The following PLXDC2 variants were observed in gnomAD, a reference collection of about 807,000 sequenced individuals.
PLXDC2 encodes plexin domain-containing protein 2.
In PLXDC2, 40 loss-of-function variants were observed where a neutral mutation model predicts 68.9. The ratio of observed to expected loss-of-function variants is 0.58; its 90% CI spans 0.45 to 0.76. The LOEUF is 0.76. Ranked by LOEUF, PLXDC2 falls within the 30% of genes least tolerant of loss-of-function variation. PLXDC2 has a pLI of 0.00. For missense variants in PLXDC2, 644 were observed against 661.9 expected, an observed-to-expected ratio of 0.97 and a Z score of 0.30; for synonymous variants, 243 against 234.2, an observed-to-expected ratio of 1.04 and a Z score of -0.34.
rs373144044 is a variant in PLXDC2 at position 19,991,937 on chromosome 10, AC to A, written c.113-9837del. 6.6e-5 allele frequency among the ~76,000 whole-genome samples: 10 copies of A among 152,304 alleles called. No individual in the cohort carries two copies. The East Asian group carries it at 1.9e-3, about 29-fold the overall frequency. The stretch of plus-strand genomic sequence containing the variant: ...CATCTCCCCTGGTTGGCGGACTCAA[AC>A]TTTTCATGCAGTGGGACTTACCTGT... On this transcript the variant is annotated intron_variant, in intron 1 of 13. Coordinates refer to ENST00000377252, the MANE Select transcript of PLXDC2 (RefSeq NM_032812.9).
At chr10:20,227,150 G>A (rs1192657129) in intron 12 of PLXDC2, among the ~76,000 whole-genome samples, 1 of 152,034 alleles carries the variant, frequency 6.6e-6, no homozygotes, top group Non-Finnish European at 1.5e-5. Context: ...ATTTGCTCGG[G>A]AAACATTTCT....
intron 2 of PLXDC2, among the ~76,000 whole-genome samples, chr10:20,044,285 CTTTCTTTCTTCTT>C (rs1835757288): frequency 7.7e-5 from 6 of 78,032 alleles, no homozygotes; most frequent in Admixed American, 4.9e-4. Context: ...TTCTTTCTTT[CTTTCTTTCTTCTT>C]TCTCTCTCTC....
rs1224847480 is a variant in PLXDC2, at chr10:20,217,422, C to A, written c.1123-4C>A. 1.2e-6 allele frequency: 2 copies of A among 1,601,980 alleles called. No homozygotes were observed. The highest frequency in any genetic ancestry group is 1.7e-6 in the Non-Finnish European group (2 of 1,174,404). On this transcript the variant is annotated splice_polypyrimidine_tract_variant and splice_region_variant and intron_variant, in intron 10 of 13. Coordinates refer to ENST00000377252, the MANE Select transcript of PLXDC2 (RefSeq NM_032812.9). The stretch of plus-strand genomic sequence containing the variant: ...TTTGTTTTCCTTTTCTTTTCTCTTA[C>A]TAGTCAAAAGAGAAGATGTGTGAGA...
At position 20,284,763 on chromosome 10, in the gene PLXDC2, A is replaced by G. The variant is rs558005540; in HGVS notation, c.*4944A>G. 4.6e-5 allele frequency: 7 copies of G among 152,242 alleles called. No individual in the cohort carries two copies. The highest frequency in any genetic ancestry group is 1.7e-4 in the African/African-American group (7 of 41,540). The allele number at this position is 152,242 out of a possible 1,614,324, so 9.4% of individuals were successfully genotyped here. A position where few individuals can be genotyped will look rare whatever the true frequency, so the allele number is the denominator to read the frequency against. ...TTCATCTCTTAATTGTCGGCACTTA[A>G]GGCCAACCAAGCAGCTTAGACAGCG... is the stretch of plus-strand genomic sequence containing the variant. On this transcript the variant is annotated 3_prime_UTR_variant, in exon 14 of 14. Transcript: ENST00000377252.
intron 10 of PLXDC2, 41 bp downstream of exon 10, chr10:20,211,770 G>C: frequency 6.3e-7 from 1 of 1,579,018 alleles, no homozygotes; most frequent in Non-Finnish European, 8.7e-7. Context: ...GGACCAAGCT[G>C]TCATATACAT....
chr10:19,870,281 A>C (rs1837510718), intron 1 of PLXDC2, among the ~76,000 whole-genome samples: 1 of 152,216 alleles, frequency 6.6e-6, no homozygotes, highest in South Asian at 2.1e-4. Context: ...CAAAATTCAA[A>C]GTGGAAAATG....
intron 1 of PLXDC2, among the ~76,000 whole-genome samples, chr10:19,869,604 A>G (rs1837495946): frequency 6.6e-6 from 1 of 152,106 alleles, no homozygotes; most frequent in East Asian, 1.9e-4. Context: ...ATTAAAGAAT[A>G]AGCACAATGT....
At chr10:19,936,500 G>T (rs1833726975) in intron 1 of PLXDC2, among the ~76,000 whole-genome samples, 1 of 152,176 alleles carries the variant, frequency 6.6e-6, no homozygotes, top group African/African-American at 2.4e-5. Context: ...TACAAAAACA[G>T]GTGATGGCTG....
At chr10:20,211,625 C>T (rs376641010) in intron 9 of PLXDC2, 44 bp from the exon 10 acceptor site, 2 of 1,591,490 alleles carry the variant, frequency 1.3e-6, no homozygotes, top group Non-Finnish European at 1.7e-6. Flanking sequence ...CCACCCTGCA[C>T]CCTATCCTTC....
chr10:20,220,088 T>C (rs1244459021), intron 12 of PLXDC2, among the ~76,000 whole-genome samples: 1 of 152,228 alleles, frequency 6.6e-6, no homozygotes, highest in Non-Finnish European at 1.5e-5. Flanking sequence ...TGTTCATAAA[T>C]ACCATTATTG....
chr10:20,188,305 A>G (rs569559255), intron 9 of PLXDC2, among the ~76,000 whole-genome samples: 1 of 151,570 alleles, frequency 6.6e-6, no homozygotes, highest in South Asian at 2.1e-4. Context: ...CCTATTCTCT[A>G]CTTCTATGAA....
intron 4 of PLXDC2, among the ~76,000 whole-genome samples, chr10:20,093,747 C>T (rs1589625953): frequency 6.6e-6 from 1 of 152,122 alleles, no homozygotes; most frequent in South Asian, 2.1e-4. Context: ...GGTCTCAGCT[C>T]AATGCAACCT....
rs1315089007 is a variant in PLXDC2, at chr10:20,283,640, A to G, written c.*3821A>G. 1 of 152,176 alleles carries G rather than the reference A, an allele frequency of 6.6e-6. No homozygotes were observed. The highest frequency in any genetic ancestry group is 2.4e-5 in the African/African-American group (1 of 41,454). 9.4% of individuals were successfully genotyped at this position (152,176 alleles called of 1,614,324 possible). A position where few individuals can be genotyped will look rare whatever the true frequency, so the allele number is the denominator to read the frequency against. ...ATGTATTTATCCACTCTTTCACAAC[A>G]TTGCCTATGAACATCCTTCAACTGG... is the stretch of plus-strand genomic sequence containing the variant. On this transcript the variant is annotated 3_prime_UTR_variant, in exon 14 of 14. Coordinates refer to ENST00000377252, the MANE Select transcript of PLXDC2 (RefSeq NM_032812.9).
At chr10:20,044,659 C>T (rs903229497) in intron 2 of PLXDC2, among the ~76,000 whole-genome samples, 1 of 152,040 alleles carries the variant, frequency 6.6e-6, no homozygotes, top group Non-Finnish European at 1.5e-5. Flanking sequence ...GACAGAATTT[C>T]CCCATAGTAG....
At chr10:19,946,967 G>T (rs1049859019) in intron 1 of PLXDC2, among the ~76,000 whole-genome samples, 1 of 152,078 alleles carries the variant, frequency 6.6e-6, no homozygotes, top group South Asian at 2.1e-4. Context: ...AACAAACCAC[G>T]GACCTATACT....
chr10:20,137,427 G>A lies in PLXDC2; in HGVS notation c.542-5868G>A, dbSNP rs377006253. On this transcript the variant is annotated intron_variant, in intron 4 of 13. Coordinates refer to ENST00000377252, the MANE Select transcript of PLXDC2 (RefSeq NM_032812.9). ...CTACTAGGAAATGAATTATCGCATC[G>A]TGTGTGATTCCTATGTCAATTTACA... is the stretch of plus-strand genomic sequence containing the variant. 5.3e-5 allele frequency among the ~76,000 whole-genome samples: 8 copies of A among 152,246 alleles called. No homozygotes were observed. In the East Asian group the frequency reaches 7.7e-4, roughly 15 times the overall value.
intron 13 of PLXDC2, among the ~76,000 whole-genome samples, chr10:20,257,886 G>C (rs532961264): frequency 2.6e-4 from 40 of 151,488 alleles, no homozygotes; most frequent in Non-Finnish European, 5.3e-4. Context: ...TTTTTACTAA[G>C]AGAATAAATT....
chr10:19,875,476 G>C (rs1420396089), intron 1 of PLXDC2, among the ~76,000 whole-genome samples: 2 of 152,310 alleles, frequency 1.3e-5, no homozygotes, highest in East Asian at 3.9e-4. Context: ...AACCTAGTTA[G>C]GATTATGCCA....
chr10:19,863,837 A>C (rs1837364513), intron 1 of PLXDC2, among the ~76,000 whole-genome samples: 1 of 152,008 alleles, frequency 6.6e-6, no homozygotes, highest in African/African-American at 2.4e-5. Context: ...TTTTAATATC[A>C]GAGGGAAAGA....
Sources: gnomAD v4.1 joint callset for allele counts (sites outside exome capture counted in the v4.1 genomes callset) on GRCh38, gnomAD v4.1.1 for gene constraint, MANE v1.5 for transcripts, NCBI Gene and HGNC (gene_info 2026-07-23, HGNC 2026-07-21) for gene names.